Variants in RNF44 observed in about 807,000 individuals in gnomAD.
The protein encoded by RNF44 is ring finger protein 44.
A neutral mutation model predicts 53.6 loss-of-function variants in RNF44; 25 were observed. That is an observed-to-expected ratio of 0.47 (90% confidence interval 0.34 to 0.65). RNF44 has a LOEUF of 0.65. Among genes scored for constraint, RNF44 ranks in the 30% least tolerant of loss-of-function variants. RNF44 has a pLI of 0.01. For missense variants in RNF44, 581 were observed against 595.5 expected, an observed-to-expected ratio of 0.98 and a Z score of 0.25; for synonymous variants, 282 against 252.2, an observed-to-expected ratio of 1.12 and a Z score of -1.12.
chr5:176,529,159 G>T, intron 10 of RNF44, 69 bp from the exon 11 acceptor site: 2 of 1,588,916 alleles, frequency 1.3e-6, no homozygotes, highest in East Asian at 2.2e-5. Context: ...CAGCCACCTG[G>T]GGGGACTTGG....
Position 176,529,007 on chromosome 5 carries a change from C to G in RNF44, c.*21G>C. On this transcript the variant is annotated 3_prime_UTR_variant, in exon 11 of 11. Coordinates refer to ENST00000274811, the MANE Select transcript of RNF44 (RefSeq NM_014901.5). ...TCCAGAGCTTCAGGCAGGGTTCTCC[C>G]GGGCAGGCGGCTGCGTGGCCTCACT... The G allele has an allele frequency of 6.2e-7, 1 of 1,606,930 alleles. No individual in the cohort carries two copies. Among genetic ancestry groups the G allele is most frequent in the South Asian group, 1.1e-5 (1 of 90,298 alleles).
rs771229761 is a variant in RNF44, at chr5:176,529,308, A to G, written c.1216T>C (p.Cys406Arg). The G allele has an allele frequency of 6.2e-7, 1 of 1,613,696 alleles. No homozygotes were observed. Residue 406 changes from cysteine to arginine, a missense_variant, in exon 10 of 11, where the codon TGT (cysteine) becomes CGT (arginine). Coordinates refer to ENST00000274811, the MANE Select transcript of RNF44 (RefSeq NM_014901.5). ...GTTACCTTCAACCACTTGTCAACAC[A>G]CTTGGTGTGGAACTCATGGTTGCAG... ...LPCNHEFHTK[C>R]VDKWLKANRT...
At chr5:176,538,144 T>C (rs1027078935), upstream of RNF44, 2 of 152,188 alleles carry the variant, frequency 1.3e-5, no homozygotes, top group Non-Finnish European at 2.9e-5. Context: ...AAAGCAAAAG[T>C]GCAGGCGCTG....
rs1208685868 is a variant in RNF44 at position 176,537,233 on chromosome 5, C to A, written c.-338G>T. 2 of 152,318 alleles carry A rather than the reference C, an allele frequency of 1.3e-5. No homozygotes were observed. Among genetic ancestry groups the A allele is most frequent in the African/African-American group, 4.8e-5 (2 of 41,472 alleles). The allele number at this position is 152,318 out of a possible 1,614,324, so 9.4% of individuals were successfully genotyped here. A position where few individuals can be genotyped will look rare whatever the true frequency, so the allele number is the denominator to read the frequency against. On this transcript the variant is annotated 5_prime_UTR_variant, in exon 1 of 11. Transcript: ENST00000274811. ...GCGGCGCAGGACGCAGCTGGGTCTGCGCGGCAGCCGGCGGCTGGCCCTTTA... is the reference window on the plus strand; with the variant it reads ...GCGGCGCAGGACGCAGCTGGGTCTGAGCGGCAGCCGGCGGCTGGCCCTTTA...
In RNF44 at chr5:176,531,082, C is replaced by A; in HGVS notation, c.466-61G>T. On this transcript the variant is annotated intron_variant, in intron 4 of 10. Transcript: ENST00000274811. This position sits in a 1 kb window ranked among gnomAD's most constrained non-coding sequence, Gnocchi z 4.2. ...TCCTGGGCTCTGGGCCAGGTCTACG[C>A]CATGCCACCCAGCAAAAGGCCCCCA... is the stretch of plus-strand genomic sequence containing the variant. 1 of 1,260,266 alleles carries A rather than the reference C, an allele frequency of 7.9e-7. No homozygotes were observed. The highest frequency in any genetic ancestry group is 1.9e-5 in the South Asian group (1 of 51,938). The allele number at this position is 1,260,266 out of a possible 1,614,324, so 78.1% of individuals were successfully genotyped here. A position where few individuals can be genotyped will look rare whatever the true frequency, so the allele number is the denominator to read the frequency against.
In RNF44 at chr5:176,528,921, G is replaced by A. The variant is rs1401240300; in HGVS notation, c.*107C>T. 3 of 1,033,456 alleles carry A rather than the reference G, an allele frequency of 2.9e-6. No homozygotes were observed. Among genetic ancestry groups the A allele is most frequent in the African/African-American group, 1.6e-5 (1 of 62,530 alleles). The allele number at this position is 1,033,456 out of a possible 1,614,324, so 64.0% of individuals were successfully genotyped here. ...GCACCAGCTCTGGAAATGCAGGCAG[G>A]AGCGAAGGGGCAGGCCTGGGCCACT... On this transcript the variant is annotated 3_prime_UTR_variant, in exon 11 of 11. Coordinates refer to ENST00000274811, the MANE Select transcript of RNF44 (RefSeq NM_014901.5).
intron 1 of RNF44, among the ~76,000 whole-genome samples, chr5:176,534,737 C>T (rs1393273710): frequency 3.3e-5 from 5 of 152,240 alleles, no homozygotes; most frequent in South Asian, 4.1e-4. Flanking sequence ...GCTGTTTCCC[C>T]GGCGCCAACT....
At chr5:176,533,424 A>C (rs1337481720) in intron 1 of RNF44, among the ~76,000 whole-genome samples, 1 of 152,200 alleles carries the variant, frequency 6.6e-6, no homozygotes, top group Non-Finnish European at 1.5e-5. Context: ...AGCAAGAAGA[A>C]ACTTGCCCAA....
At chr5:176,539,172 C>T (rs181196079), upstream of RNF44, among the ~76,000 whole-genome samples, 3 of 152,316 alleles carry the variant, frequency 2.0e-5, no homozygotes, top group Non-Finnish European at 2.9e-5. Context: ...AGCCGGCTGT[C>T]GGCAGATCTC....
chr5:176,535,814 G>A (rs1297776916), intron 1 of RNF44, among the ~76,000 whole-genome samples: 1 of 152,200 alleles, frequency 6.6e-6, no homozygotes, highest in Non-Finnish European at 1.5e-5. Context: ...CCTAACAACT[G>A]CTCTGCCCGT....
chr5:176,534,529 C>G (rs1387817543), intron 1 of RNF44, among the ~76,000 whole-genome samples: 1 of 152,242 alleles, frequency 6.6e-6, no homozygotes, highest in Non-Finnish European at 1.5e-5. Context: ...ATAACTGAAA[C>G]AGCAGATGCC....
intron 1 of RNF44, among the ~76,000 whole-genome samples, chr5:176,535,229 A>G (rs1036710073): frequency 2.6e-5 from 4 of 152,250 alleles, no homozygotes; most frequent in Non-Finnish European, 5.9e-5. Context: ...CAGCCCAATA[A>G]CTACCTCCCA....
chr5:176,531,880 C>G lies in RNF44; in HGVS notation c.297+124G>C, dbSNP rs1160917856. On this transcript the variant is annotated intron_variant, in intron 3 of 10. Transcript: ENST00000274811. This position sits in a 1 kb window ranked among gnomAD's most constrained non-coding sequence, Gnocchi z 4.2. ...GGCCTCAGTTTACCTACCTGTAAAG[C>G]AGGGCCAATAATGCCTCCCTGGAAC... 9.0e-7 allele frequency: 1 copy of G among 1,108,818 alleles called. No homozygotes were observed. Among genetic ancestry groups the G allele is most frequent in the African/African-American group, 1.6e-5 (1 of 64,052 alleles). The allele number at this position is 1,108,818 out of a possible 1,614,324, so 68.7% of individuals were successfully genotyped here.
intron 1 of RNF44, among the ~76,000 whole-genome samples, chr5:176,533,104 T>C (rs1003798461): frequency 2.0e-5 from 3 of 152,206 alleles, no homozygotes; most frequent in Non-Finnish European, 2.9e-5. Context: ...GACCTTTCTC[T>C]GCCTTACACC....
the RNF44 span, among the ~76,000 whole-genome samples, chr5:176,543,323 A>G: frequency 6.8e-6 from 1 of 146,894 alleles, no homozygotes; most frequent in Non-Finnish European, 1.5e-5. This position sits in a 1 kb window ranked among gnomAD's most constrained non-coding sequence, Gnocchi z 4.0. Flanking sequence ...GCTGCAGCCC[A>G]GGCTCGCGGT....
chr5:176,530,837 T>C lies in RNF44; in HGVS notation c.639+11A>G. 8.3e-7 allele frequency: 1 copy of C among 1,203,212 alleles called. No homozygotes were observed. The highest frequency in any genetic ancestry group is 1.1e-6 in the Non-Finnish European group (1 of 951,308). The allele number at this position is 1,203,212 out of a possible 1,614,324, so 74.5% of individuals were successfully genotyped here. ...CCATCTCCCTCCAGCATCGGACCCATGCCGACTCACCATCCGAGGGTGCTG... is the reference window on the plus strand; with the variant it reads ...CCATCTCCCTCCAGCATCGGACCCACGCCGACTCACCATCCGAGGGTGCTG... On this transcript the variant is annotated intron_variant, in intron 5 of 10. Coordinates refer to ENST00000274811, the MANE Select transcript of RNF44 (RefSeq NM_014901.5).
rs201280395 is a variant in RNF44, at chr5:176,532,024, T to C, written c.277A>G (p.Met93Val). The C allele has an allele frequency of 1.4e-5, 23 of 1,611,148 alleles. No homozygotes were observed. In the East Asian group the frequency reaches 4.9e-4, roughly 34 times the overall value. ...CCTACCTGCTCGTGGAGATCAACCATGAACGGGCTCTGCTGGGTGGCTGGG... is the reference window on the plus strand; with the variant it reads ...CCTACCTGCTCGTGGAGATCAACCACGAACGGGCTCTGCTGGGTGGCTGGG... ...LHPATQQSPF[M>V]VDLHEQVHQG... is the part of the protein sequence containing the mutation. The change falls in exon 3 of 11, where the codon ATG becomes GTG. Residue 93 changes from methionine (M) to valine (V), a missense_variant. Transcript: ENST00000274811.
rs774539902 is a variant in RNF44 at position 176,532,120 on chromosome 5, G to A, written c.181C>T (p.Arg61Ter). The A allele has an allele frequency of 5.7e-6, 9 of 1,584,814 alleles. No homozygotes were observed. Among genetic ancestry groups the A allele is most frequent in the Admixed American group, 1.9e-5 (1 of 53,438 alleles). ...TCCTCTACGGGGAGGTGTGGAGGTC[G>A]GGACGGCGGCTGCTGGGAGGGTAAG... Reference protein sequence around the residue: ...ERLPSQQPPSRPPHLPVEERR... With the variant: ...ERLPSQQPPS Residue 61 changes from arginine to a stop codon, truncating the protein, a stop_gained, in exon 3 of 11, where the codon CGA becomes TGA. Coordinates refer to ENST00000274811, the MANE Select transcript of RNF44 (RefSeq NM_014901.5). LOFTEE classifies it high-confidence loss of function.
chr5:176,537,284 T>A lies in RNF44; in HGVS notation c.-389A>T, dbSNP rs1431890521. 3 of 152,224 alleles carry A rather than the reference T, an allele frequency of 2.0e-5. No homozygotes were observed. The highest frequency in any genetic ancestry group is 2.9e-5 in the Non-Finnish European group (2 of 68,038). 9.4% of individuals were successfully genotyped at this position (152,224 alleles called of 1,614,324 possible). A position where few individuals can be genotyped will look rare whatever the true frequency, so the allele number is the denominator to read the frequency against. On this transcript the variant is annotated 5_prime_UTR_variant, in exon 1 of 11. Coordinates refer to ENST00000274811, the MANE Select transcript of RNF44 (RefSeq NM_014901.5). ...AGAACTGTCCGCGGCGGCAGCGGAA[T>A]GTAACAAACCCCACATTTGATTCAC... is the stretch of plus-strand genomic sequence containing the variant.
Sources: allele counts gnomAD v4.1 joint callset (sites outside exome capture counted in the v4.1 genomes callset), GRCh38; gene constraint gnomAD v4.1.1; non-coding constraint Gnocchi (gnomAD v3.1); transcripts MANE v1.5; gene names NCBI Gene and HGNC (gene_info 2026-07-23, HGNC 2026-07-21).